Variants in ABCG2 observed in about 807,000 individuals in gnomAD.
The protein encoded by ABCG2 is broad substrate specificity ATP-binding cassette transporter ABCG2.
ABCG2 carries 80 observed loss-of-function variants against 73.5 expected under a neutral mutation model. The ratio of observed to expected loss-of-function variants is 1.09; its 90% CI spans 0.91 to 1.31. The LOEUF (loss-of-function observed/expected upper bound fraction) is 1.31, where lower values mean the gene tolerates loss of function less well. Among genes scored for constraint, ABCG2 ranks in the 50% most tolerant of loss-of-function variants. The pLI, the probability that ABCG2 is intolerant of heterozygous loss-of-function variation, is 0.00. For synonymous variants in ABCG2, 269 were observed against 282.4 expected (o/e 0.95, Z 0.48); for missense variants, 796 against 786.2 (o/e 1.01, Z -0.15).
upstream of ABCG2, among the ~76,000 whole-genome samples, chr4:88,159,878 G>T (rs1458975051): frequency 1.3e-5 from 2 of 152,080 alleles, no homozygotes; most frequent in African/African-American, 4.8e-5. Context: ...TTATTCTTTT[G>T]AATTAATTTC....
chr4:88,096,532 T>C (rs1560649419), intron 13 of ABCG2, among the ~76,000 whole-genome samples: 1 of 152,194 alleles, frequency 6.6e-6, no homozygotes, highest in Non-Finnish European at 1.5e-5. Context: ...AATGTTTGCA[T>C]TGGTAGTTTT....
At chr4:88,167,847 T>C (rs541634690) in intron 1 of ABCG2, among the ~76,000 whole-genome samples, 1 of 152,102 alleles carries the variant, frequency 6.6e-6, no homozygotes, top group Non-Finnish European at 1.5e-5. Context: ...TTGTAGGGGT[T>C]AGGGGAGAGG....
At chr4:88,139,034 G>A (rs1312280015) in intron 2 of ABCG2, among the ~76,000 whole-genome samples, 1 of 151,590 alleles carries the variant, frequency 6.6e-6, no homozygotes, top group Admixed American at 6.6e-5. Context: ...CCAGCTACTC[G>A]GGAGGCTGAG....
chr4:88,178,603 A>G (rs938499571), intron 1 of ABCG2, among the ~76,000 whole-genome samples: 111 of 152,292 alleles, frequency 7.3e-4, no homozygotes, highest in Non-Finnish European at 4.1e-4. Flanking sequence ...GAGGTAGAGC[A>G]CCAAATGGGC....
chr4:88,202,303 G>C (rs540714173), intron 1 of ABCG2, among the ~76,000 whole-genome samples: 81 of 132,332 alleles, frequency 6.1e-4, no homozygotes, highest in Middle Eastern at 4.6e-3. Flanking sequence ...TTGAGGCCAG[G>C]AGCTCAAGAC....
At chr4:88,152,160 T>C (rs1343061757) in intron 1 of ABCG2, among the ~76,000 whole-genome samples, 1 of 152,190 alleles carries the variant, frequency 6.6e-6, no homozygotes, top group Non-Finnish European at 1.5e-5. Context: ...ACATATGCAT[T>C]ATTTGTTTTG....
intron 10 of ABCG2, among the ~76,000 whole-genome samples, chr4:88,106,681 A>G (rs1722788131): frequency 6.6e-6 from 1 of 152,214 alleles, no homozygotes; most frequent in South Asian, 2.1e-4. Context: ...AAAGAATTCT[A>G]GAGTTGGATG....
intron 2 of ABCG2, among the ~76,000 whole-genome samples, chr4:88,134,240 C>A (rs1302643540): frequency 6.6e-6 from 1 of 152,198 alleles, no homozygotes; most frequent in Non-Finnish European, 1.5e-5. Flanking sequence ...TGATAAGCAA[C>A]TGCACCACAG....
At chr4:88,094,451 G>A in intron 15 of ABCG2, 126 bp downstream of exon 15, 3 of 718,844 alleles carry the variant, frequency 4.2e-6, no homozygotes, top group Non-Finnish European at 7.1e-6. Context: ...CTTTATGGAT[G>A]AGAAAACGTA....
chr4:88,093,355 T>G (rs1721768546), intron 15 of ABCG2, among the ~76,000 whole-genome samples: 1 of 151,750 alleles, frequency 6.6e-6, no homozygotes, highest in Admixed American at 6.6e-5. Flanking sequence ...ATACAAAAAA[T>G]TAGCCAGGTG....
chr4:88,175,172 A>G (rs1727907353), intron 1 of ABCG2, among the ~76,000 whole-genome samples: 1 of 152,248 alleles, frequency 6.6e-6, no homozygotes, highest in African/African-American at 2.4e-5. Flanking sequence ...GTTATGTTCT[A>G]CATGATTGCG....
chr4:88,131,975 T>C, intron 3 of ABCG2, 58 bp from the exon 4 acceptor site: 1 of 1,333,436 alleles, frequency 7.5e-7, no homozygotes, highest in South Asian at 1.3e-5. Context: ...ATATATGTTG[T>C]GGGGTTTTTT....
chr4:88,131,961 G>A, intron 3 of ABCG2, 44 bp from the exon 4 acceptor site: 1 of 1,421,168 alleles, frequency 7.0e-7, no homozygotes, highest in East Asian at 2.3e-5. Flanking sequence ...ACCTATAAGA[G>A]AATATATATG....
rs749181012 is a variant in ABCG2 at position 88,094,668 on chromosome 4, C to T, written c.1738-9G>A. The T allele has an allele frequency of 6.2e-7, 1 of 1,607,756 alleles. No individual in the cohort carries two copies. The highest frequency in any genetic ancestry group is 2.2e-5 in the East Asian group (1 of 44,842). On this transcript the variant is annotated splice_polypyrimidine_tract_variant and intron_variant, in intron 14 of 15. Transcript: ENST00000237612. ...TCATTATGCTGCAAAGCCTATAACA[C>T]AAGTGGGAGCAGGGCAAGGTAAACA...
At chr4:88,162,106 G>C (rs1309108470), upstream of ABCG2, among the ~76,000 whole-genome samples, 4 of 152,022 alleles carry the variant, frequency 2.6e-5, no homozygotes, top group African/African-American at 9.7e-5. Flanking sequence ...TAGCTATTTG[G>C]GGGGCTGAGG....
chr4:88,202,979 A>C (rs1023841271), intron 1 of ABCG2, among the ~76,000 whole-genome samples: 2 of 152,168 alleles, frequency 1.3e-5, no homozygotes, highest in African/African-American at 4.8e-5. Flanking sequence ...CCTTCCACCC[A>C]AATTCTTTAC....
At chr4:88,108,377 A>C (rs983242185) in intron 9 of ABCG2, among the ~76,000 whole-genome samples, 16 of 151,664 alleles carry the variant, frequency 1.1e-4, no homozygotes, top group Non-Finnish European at 2.1e-4. Context: ...AACACACACA[A>C]AAAAATTAGC....
intron 10 of ABCG2, among the ~76,000 whole-genome samples, chr4:88,105,914 A>G (rs572223540): frequency 5.4e-4 from 83 of 152,342 alleles, no homozygotes; most frequent in African/African-American, 1.8e-3. Flanking sequence ...CAAAGATCCA[A>G]TGGATCTCTA....
At chr4:88,114,663 C>G (rs1249148753) in intron 8 of ABCG2, among the ~76,000 whole-genome samples, 1 of 151,684 alleles carries the variant, frequency 6.6e-6, no homozygotes, top group Non-Finnish European at 1.5e-5. Flanking sequence ...TTGCTTCCTA[C>G]TATATGCAAA....
Sources: gnomAD v4.1 joint callset for allele counts (sites outside exome capture counted in the v4.1 genomes callset) on GRCh38, gnomAD v4.1.1 for gene constraint, MANE v1.5 for transcripts, NCBI Gene and HGNC (gene_info 2026-07-23, HGNC 2026-07-21) for gene names.